STAT2: variants seen among roughly 807,000 people sequenced by gnomAD.
STAT2 encodes the protein interferon alpha induced transcriptional activator.
A neutral mutation model predicts 122.3 loss-of-function variants in STAT2; 51 were observed. The ratio of observed to expected loss-of-function variants is 0.42; its 90% CI spans 0.33 to 0.53. The LOEUF (loss-of-function observed/expected upper bound fraction) is 0.53. Ranked by LOEUF, STAT2 falls within the 20% of genes least tolerant of loss-of-function variation. The pLI is 0.10. For missense variants in STAT2, 736 were observed against 1,010.3 expected (o/e 0.73, Z 3.68); for synonymous variants, 351 against 394.9 (o/e 0.89, Z 1.32).
intron 7 of STAT2, 73 bp downstream of exon 7, chr12:56,354,705 G>A: frequency 6.2e-7 from 1 of 1,612,758 alleles, no homozygotes; most frequent in South Asian, 1.1e-5. Context: ...GCCAGCGCTA[G>A]AGGACCAGGG....
chr12:56,354,717 C>A (rs1320184755), intron 7 of STAT2, 61 bp downstream of exon 7: 3 of 1,612,646 alleles, frequency 1.9e-6, no homozygotes, highest in Non-Finnish European at 2.5e-6. Flanking sequence ...GGACCAGGGT[C>A]CCCACATCCC....
chr12:56,349,561 T>C (rs569386488), intron 14 of STAT2, 28 bp downstream of exon 14: 1 of 1,614,034 alleles, frequency 6.2e-7, no homozygotes, highest in African/African-American at 1.3e-5. Flanking sequence ...AAGCTCCCCC[T>C]GCCTCGAGTC....
intron 20 of STAT2, 62 bp downstream of exon 20, chr12:56,346,757 G>A (rs1009420262): frequency 1.2e-6 from 2 of 1,610,114 alleles, no homozygotes; most frequent in African/African-American, 1.3e-5. Context: ...GCAGGCAGAG[G>A]GGCAAGAGGG....
At chr12:56,359,958 C>G in intron 1 of STAT2, 100 bp downstream of exon 1, 1 of 806,804 alleles carries the variant, frequency 1.2e-6, no homozygotes, top group African/African-American at 1.9e-5. Context: ...CGAAGCTACC[C>G]TCTCCAGGGG....
At chr12:56,343,589 G>T in intron 23 of STAT2, 58 bp from the exon 24 acceptor site, 1 of 1,583,494 alleles carries the variant, frequency 6.3e-7, no homozygotes, top group Non-Finnish European at 8.6e-7. Context: ...TCCCAACCCA[G>T]CAGGGAAAGG....
Position 56,343,079 on chromosome 12 carries a change from C to T in STAT2, c.*310G>A. The stretch of plus-strand genomic sequence containing the variant: ...TCCATACTGGAAAGAAGCCACTGCC[C>T]TGAGCCCTCCAAGTACCTGTCAACT... On this transcript the variant is annotated 3_prime_UTR_variant, in exon 24 of 24. Coordinates refer to ENST00000314128, the MANE Select transcript of STAT2 (RefSeq NM_005419.4). 1 of 293,040 alleles carries T rather than the reference C, an allele frequency of 3.4e-6. No homozygotes were observed. The highest frequency in any genetic ancestry group is 6.0e-5 in the East Asian group (1 of 16,696). 18.2% of individuals were successfully genotyped at this position (293,040 alleles called of 1,614,324 possible).
At chr12:56,354,016 A>AAATATATATATATATATATATATATATAT (rs71081350) in intron 8 of STAT2, among the ~76,000 whole-genome samples, 1 of 16,698 alleles carries the variant, frequency 6.0e-5, no homozygotes, top group African/African-American at 1.1e-4. Context: ...AAAAAAAAAA[A>AAATATATATATATATATATATATATATAT]ATATATATAT....
chr12:56,354,898 C>A (rs1368089542), intron 6 of STAT2, 35 bp from the exon 7 acceptor site: 6 of 1,592,646 alleles, frequency 3.8e-6, no homozygotes, highest in Non-Finnish European at 5.2e-6. Flanking sequence ...TCCAGGGGTT[C>A]TTTCCTCTCC....
chr12:56,351,870 G>A (rs1327020074), intron 8 of STAT2, among the ~76,000 whole-genome samples: 2 of 151,964 alleles, frequency 1.3e-5, no homozygotes, highest in Non-Finnish European at 2.9e-5. Context: ...TGTGATCCCA[G>A]GCAGTCTCAT....
intron 12 of STAT2, 59 bp downstream of exon 12, chr12:56,350,353 T>C: frequency 6.5e-7 from 1 of 1,539,294 alleles, no homozygotes; most frequent in Non-Finnish European, 8.8e-7. Context: ...GGCTGCCGAA[T>C]GTGGTTCTGC....
intron 8 of STAT2, chr12:56,352,380 T>TG (rs1878659673): frequency 2.1e-5 from 1 of 47,512 alleles, no homozygotes; most frequent in Non-Finnish European, 4.0e-5. Flanking sequence ...TTGGTGGGGG[T>TG]GGGGGTGGGG....
At position 56,349,064 on chromosome 12, in the gene STAT2, A is replaced by T; in HGVS notation, c.1441-5T>A. On this transcript the variant is annotated splice_region_variant and splice_polypyrimidine_tract_variant and intron_variant, in intron 16 of 23. Transcript: ENST00000314128. ...GTTGGAGAAGAACTGCTGGTTCTGC[A>T]GGGGTGGGAGCAGTGTAGGCTGGCT... The T allele has an allele frequency of 6.2e-7, 1 of 1,613,092 alleles. No individual in the cohort carries two copies. Among genetic ancestry groups the T allele is most frequent in the Non-Finnish European group, 8.5e-7 (1 of 1,179,378 alleles).
At chr12:56,350,013 C>T in intron 13 of STAT2, 84 bp downstream of exon 13, 2 of 1,251,614 alleles carry the variant, frequency 1.6e-6, no homozygotes, top group South Asian at 2.5e-5. Context: ...GGCACCACTG[C>T]ACTCCAGCCT....
At chr12:56,352,072 T>C (rs748964469) in intron 8 of STAT2, among the ~76,000 whole-genome samples, 1 of 152,008 alleles carries the variant, frequency 6.6e-6, no homozygotes, top group Non-Finnish European at 1.5e-5. Context: ...TATATATATA[T>C]ATTTTTAGTA....
chr12:56,357,026 ATTTTTT>A (rs34402362), intron 1 of STAT2, among the ~76,000 whole-genome samples: 54 of 66,384 alleles, frequency 8.1e-4, no homozygotes, highest in African/African-American at 2.5e-3. Flanking sequence ...CCTAATCTGT[ATTTTTT>A]TTTTTTTTTT....
chr12:56,355,414 C>G (rs764023006), intron 5 of STAT2, 29 bp downstream of exon 5: 2 of 1,613,960 alleles, frequency 1.2e-6, no homozygotes, highest in Non-Finnish European at 1.7e-6. Context: ...TGAACGCTGT[C>G]AACCCTAACT....
rs2136044341 is a variant in STAT2, at chr12:56,346,902, GTCT to G, written c.1775_1777del (p.Lys592del). The stretch of plus-strand genomic sequence containing the variant: ...GCGCAGTAGAAAGGTGCCAGACATG[GTCT>G]TCTTCAGCAGCCGGCGCTCCTGGCT... On this transcript the variant is annotated inframe_deletion, in exon 20 of 24. Transcript: ENST00000314128. The G allele has an allele frequency of 1.9e-6, 3 of 1,614,208 alleles. No homozygotes were observed. Among genetic ancestry groups the G allele is most frequent in the Non-Finnish European group, 1.7e-6 (2 of 1,180,036 alleles).
chr12:56,358,242 C>CTT (rs1197874842), intron 1 of STAT2, among the ~76,000 whole-genome samples: 3 of 132,618 alleles, frequency 2.3e-5, no homozygotes, highest in Non-Finnish European at 3.3e-5. Flanking sequence ...TTTTTTTTTT[C>CTT]TTTTTTTTTT....
chr12:56,343,585 C>T (rs569410855), intron 23 of STAT2, 54 bp from the exon 24 acceptor site: 1 of 1,587,202 alleles, frequency 6.3e-7, no homozygotes, highest in Non-Finnish European at 8.6e-7. Context: ...GAGTTCCCAA[C>T]CCAGCAGGGA....
Sources: gnomAD v4.1 joint callset for allele counts (sites outside exome capture counted in the v4.1 genomes callset) on GRCh38, gnomAD v4.1.1 for gene constraint, MANE v1.5 for transcripts, NCBI Gene and HGNC (gene_info 2026-07-23, HGNC 2026-07-21) for gene names.